The following CAMSAP2 variants were observed in gnomAD, a reference collection of about 807,000 sequenced individuals.
The protein encoded by CAMSAP2 is calmodulin regulated spectrin associated protein family member 2, also known as calmodulin-regulated spectrin-associated protein 2.
A neutral mutation model predicts 146.1 loss-of-function variants in CAMSAP2; 26 were observed. The ratio of observed to expected loss-of-function variants is 0.18; its 90% CI spans 0.13 to 0.25. The LOEUF (loss-of-function observed/expected upper bound fraction) is 0.25, where lower values mean the gene tolerates loss of function less well. Ranked by LOEUF, CAMSAP2 falls within the 10% of genes least tolerant of loss-of-function variation. The probability of loss-of-function intolerance (pLI) is 1.00; values close to 1 mark genes in which losing one functional copy is unlikely to be tolerated. For missense variants in CAMSAP2, 1,381 were observed against 1,759.3 expected, an observed-to-expected ratio of 0.78 and a Z score of 3.85; for synonymous variants, 499 against 596.6, an observed-to-expected ratio of 0.84 and a Z score of 2.38.
At chr1:200,760,707 T>C (rs1664776068) in intron 1 of CAMSAP2, 132 bp from the exon 2 acceptor site, 2 of 605,646 alleles carry the variant, frequency 3.3e-6, no homozygotes, top group Admixed American at 3.4e-5. Flanking sequence ...AATCATCTTT[T>C]CAGTTAAAGG....
chr1:200,856,841 A>G (rs114248900), intron 15 of CAMSAP2, among the ~76,000 whole-genome samples: 3,911 of 152,274 alleles, frequency 0.026, 177 homozygotes, highest in African/African-American at 0.087. Context: ...ACTACCTCCT[A>G]CCGCCAGTCT....
intron 2 of CAMSAP2, among the ~76,000 whole-genome samples, chr1:200,794,169 A>G (rs868334971): frequency 2.0e-4 from 31 of 152,202 alleles, no homozygotes; most frequent in African/African-American, 7.0e-4. Context: ...CTTCTAAATT[A>G]TATTTTCTTC....
chr1:200,857,870 G>C lies in CAMSAP2; in HGVS notation c.4248G>C (p.Gly1416=). 1.2e-6 allele frequency: 2 copies of C among 1,613,756 alleles called. No homozygotes were observed. Among genetic ancestry groups the C allele is most frequent in the Non-Finnish European group, 1.7e-6 (2 of 1,179,794 alleles). The part of the protein sequence containing the change: ...PETEEINKLT[G]IGPKSITKKM... The stretch of plus-strand genomic sequence containing the variant: ...CTGAAGAAATCAATAAACTGACTGG[G>C]ATAGGCCCTAAATCTATCACTAAAA... Residue 1416 remains glycine, a synonymous_variant, in exon 17 of 17, where the codon GGG becomes GGC. Transcript: ENST00000358823. The surrounding 1 kb of genome is among the most constrained non-coding windows in gnomAD (Gnocchi z 4.7).
intron 2 of CAMSAP2, among the ~76,000 whole-genome samples, chr1:200,786,949 G>A (rs917683742): frequency 1.3e-5 from 2 of 150,994 alleles, no homozygotes; most frequent in Admixed American, 6.6e-5. Flanking sequence ...AACAAAGCCT[G>A]GATGACAGCA....
chr1:200,808,178 T>G (rs1666233139), intron 3 of CAMSAP2, among the ~76,000 whole-genome samples: 1 of 152,176 alleles, frequency 6.6e-6, no homozygotes, highest in Admixed American at 6.5e-5. Context: ...ATGAAATAAT[T>G]TTCTTACATT....
At chr1:200,804,735 A>G (rs1446444553) in intron 2 of CAMSAP2, among the ~76,000 whole-genome samples, 1 of 152,238 alleles carries the variant, frequency 6.6e-6, no homozygotes, top group Non-Finnish European at 1.5e-5. Context: ...CTGAGTGTGA[A>G]GGAAGAACTG....
chr1:200,812,909 G>GGCTTTT (rs1666371447), intron 3 of CAMSAP2, among the ~76,000 whole-genome samples: 1 of 152,008 alleles, frequency 6.6e-6, no homozygotes, highest in Admixed American at 6.5e-5. Context: ...CCTACCACAG[G>GGCTTTT]GCTTTTGCTT....
At chr1:200,830,320 T>C (rs903243022) in intron 4 of CAMSAP2, among the ~76,000 whole-genome samples, 10 of 151,462 alleles carry the variant, frequency 6.6e-5, no homozygotes, top group Non-Finnish European at 1.3e-4. Flanking sequence ...TGTGTGTGTG[T>C]GCACGTGCAC....
intron 4 of CAMSAP2, among the ~76,000 whole-genome samples, chr1:200,824,679 A>G (rs1666858692): frequency 6.6e-6 from 1 of 152,146 alleles, no homozygotes; most frequent in South Asian, 2.1e-4. Flanking sequence ...TCATACCAAT[A>G]TGAAAAATAA....
chr1:200,812,423 T>A (rs1666357461), intron 3 of CAMSAP2, among the ~76,000 whole-genome samples: 1 of 152,214 alleles, frequency 6.6e-6, no homozygotes, highest in South Asian at 2.1e-4. Flanking sequence ...TCCACCTCAT[T>A]CCATTTTCAA....
intron 4 of CAMSAP2, among the ~76,000 whole-genome samples, chr1:200,831,068 A>G (rs769890461): frequency 1.2e-4 from 18 of 152,120 alleles, no homozygotes; most frequent in Non-Finnish European, 2.4e-4. Flanking sequence ...TTATATTTTA[A>G]TTCTAAACTA....
intron 3 of CAMSAP2, among the ~76,000 whole-genome samples, chr1:200,807,763 A>C (rs1666219702): frequency 6.8e-6 from 1 of 146,308 alleles, no homozygotes; most frequent in African/African-American, 2.5e-5. Context: ...TTTTTTGAGA[A>C]GTAGTCTCGC....
At chr1:200,741,930 A>G (rs1003987228) in intron 1 of CAMSAP2, among the ~76,000 whole-genome samples, 1 of 152,220 alleles carries the variant, frequency 6.6e-6, no homozygotes, top group Non-Finnish European at 1.5e-5. Context: ...TAACTTTCCT[A>G]CTATCACAGT....
intron 2 of CAMSAP2, among the ~76,000 whole-genome samples, chr1:200,803,198 T>G (rs992111776): frequency 2.0e-5 from 3 of 152,166 alleles, no homozygotes; most frequent in Non-Finnish European, 4.4e-5. Flanking sequence ...TGGAGGCAGA[T>G]TTCTAAGTTT....
chr1:200,857,468 G>A lies in CAMSAP2; in HGVS notation c.4131+44G>A. The A allele has an allele frequency of 7.6e-7, 1 of 1,324,130 alleles. No individual in the cohort carries two copies. The highest frequency in any genetic ancestry group is 1.1e-6 in the Non-Finnish European group (1 of 917,258). The allele number at this position is 1,324,130 out of a possible 1,614,324, so 82.0% of individuals were successfully genotyped here. On this transcript the variant is annotated intron_variant, in intron 16 of 16. Transcript: ENST00000358823. This position sits in a 1 kb window ranked among gnomAD's most constrained non-coding sequence, Gnocchi z 4.7. ...AAATTAAATTTGGCAAACTGTAGAA[G>A]TCTTTTATCCATTCAAGAGAATGTA...
rs369821311 is a variant in CAMSAP2, at chr1:200,849,530, C to T, written c.2761C>T (p.Pro921Ser). The part of the protein sequence containing the change: ...MREQQSWVIS[P>S]PQPSPQKQIR... ...AGAGCAACAATCTTGGGTGATTTCA[C>T]CTCCACAACCCTCTCCACAGAAACA... The change falls in exon 11 of 17, where the codon CCT becomes TCT. Residue 921 changes from proline (P) to serine (S), a missense_variant. This residue lies in a region of CAMSAP2 where 560 missense variants were observed against 715.9 expected (regional missense o/e 0.78). Transcript: ENST00000358823. The surrounding 1 kb of genome is among the most constrained non-coding windows in gnomAD (Gnocchi z 6.3). 10 of 1,614,162 alleles carry T rather than the reference C, an allele frequency of 6.2e-6. No homozygotes were observed. The highest frequency in any genetic ancestry group is 1.7e-5 in the Admixed American group (1 of 60,022).
At chr1:200,817,165 C>CATATAA (rs375085196) in intron 4 of CAMSAP2, among the ~76,000 whole-genome samples, 28 of 68,072 alleles carry the variant, frequency 4.1e-4, no homozygotes, top group African/African-American at 1.5e-3. Flanking sequence ...CATACACACA[C>CATATAA]GTGTGTGTAT....
intron 2 of CAMSAP2, among the ~76,000 whole-genome samples, chr1:200,767,269 A>T (rs1041943276): frequency 2.0e-5 from 3 of 151,754 alleles, no homozygotes; most frequent in Middle Eastern, 6.8e-3. Flanking sequence ...GGCTGAGGTG[A>T]GAGAATCGCT....
intron 2 of CAMSAP2, among the ~76,000 whole-genome samples, chr1:200,768,309 G>A (rs955544445): frequency 6.6e-6 from 1 of 152,214 alleles, no homozygotes; most frequent in Non-Finnish European, 1.5e-5. Flanking sequence ...TTAAAAGGGA[G>A]TGTGAGAGCA....
Sources: allele counts gnomAD v4.1 joint callset (sites outside exome capture counted in the v4.1 genomes callset), GRCh38; gene constraint gnomAD v4.1.1; regional missense constraint gnomAD v4.1.1; non-coding constraint Gnocchi (gnomAD v3.1); transcripts MANE v1.5; gene names NCBI Gene and HGNC (gene_info 2026-07-23, HGNC 2026-07-21).